UNC79: variants seen among roughly 807,000 people sequenced by gnomAD.
UNC79 encodes unc-79 subunit of NALCN channel complex.
Under a neutral mutation model 283.1 loss-of-function variants are expected in UNC79, and 37 were observed. That is an observed-to-expected ratio of 0.13 (90% CI 0.10 to 0.17). The LOEUF (loss-of-function observed/expected upper bound fraction) is 0.17, where lower values mean the gene tolerates loss of function less well. UNC79 is among the 10% of genes least tolerant of loss of function. The pLI is 1.00. For missense variants in UNC79, 2,272 were observed against 3,211.1 expected, an observed-to-expected ratio of 0.71 and a Z score of 7.07; for synonymous variants, 1,107 against 1,200.2, an observed-to-expected ratio of 0.92 and a Z score of 1.61.
At chr14:93,561,493 A>G (rs2141436909) in intron 14 of UNC79, among the ~76,000 whole-genome samples, 1 of 152,140 alleles carries the variant, frequency 6.6e-6, no homozygotes, top group South Asian at 2.1e-4. Flanking sequence ...CCCAGCCTGT[A>G]TATAAGACGG....
intron 1 of UNC79, among the ~76,000 whole-genome samples, chr14:93,379,108 T>C (rs2054615869): frequency 1.3e-5 from 2 of 152,298 alleles, no homozygotes. Context: ...ACTGCTGTGA[T>C]TGATCTCTGC....
At chr14:93,670,518 C>T (rs766190190) in intron 40 of UNC79, among the ~76,000 whole-genome samples, 7 of 152,200 alleles carry the variant, frequency 4.6e-5, no homozygotes, top group South Asian at 4.1e-4. Context: ...AGATGTATAA[C>T]GCAAGGCACA....
chr14:93,593,731 C>T, exon 23 of UNC79: 1 of 1,613,664 alleles, frequency 6.2e-7, no homozygotes, highest in Non-Finnish European at 8.5e-7. Flanking sequence ...CCCTGGCAGT[C>T]CCTCTTCTCC....
At chr14:93,676,051 C>T (rs1169651159) in intron 41 of UNC79, among the ~76,000 whole-genome samples, 1 of 152,118 alleles carries the variant, frequency 6.6e-6, no homozygotes, top group Non-Finnish European at 1.5e-5. Context: ...GACTTTTTTA[C>T]TTATTTATTT....
chr14:93,644,081 C>T (rs755995907), intron 34 of UNC79, among the ~76,000 whole-genome samples: 5 of 152,136 alleles, frequency 3.3e-5, no homozygotes, highest in Admixed American at 6.6e-5. Flanking sequence ...ATTTTCTAGG[C>T]ATTTGTAATC....
At chr14:93,421,776 T>TAAAAAAAAAAAA (rs35643188) in intron 1 of UNC79, among the ~76,000 whole-genome samples, 1 of 144,572 alleles carries the variant, frequency 6.9e-6, no homozygotes, top group African/African-American at 2.5e-5. Flanking sequence ...GGAGATAGCT[T>TAAAAAAAAAAAA]AAAAAAAAAA....
At chr14:93,431,803 T>C (rs2055891574) in intron 1 of UNC79, among the ~76,000 whole-genome samples, 1 of 152,184 alleles carries the variant, frequency 6.6e-6, no homozygotes, top group South Asian at 2.1e-4. Flanking sequence ...GCTAACTCCT[T>C]GTGGATGGAG....
At chr14:93,682,446 T>C (rs1047606903) in intron 41 of UNC79, among the ~76,000 whole-genome samples, 171 bp from the exon 45 acceptor site, 3 of 152,188 alleles carry the variant, frequency 2.0e-5, no homozygotes, top group African/African-American at 7.2e-5. Flanking sequence ...AGTACTGTGA[T>C]TCTGAGTTTC....
At chr14:93,533,228 C>G (rs921392574) in intron 11 of UNC79, among the ~76,000 whole-genome samples, 1 of 152,100 alleles carries the variant, frequency 6.6e-6, no homozygotes, top group South Asian at 2.1e-4. Context: ...TCCCTCCTAC[C>G]TATGTGGACC....
At chr14:93,333,497 C>G (rs989511432) in exon 1 of UNC79, 1 of 398,552 alleles carries the variant, frequency 2.5e-6, no homozygotes, top group Non-Finnish European at 4.4e-6. Context: ...CCGGTGGCTG[C>G]TTCTTGGCAG....
intron 25 of UNC79, 63 bp downstream of exon 25, chr14:93,600,833 C>A: frequency 6.4e-7 from 1 of 1,559,992 alleles, no homozygotes; most frequent in Non-Finnish European, 8.7e-7. Flanking sequence ...CCTAGACAAA[C>A]AGAAGACATT....
intron 20 of UNC79, among the ~76,000 whole-genome samples, chr14:93,585,733 G>C (rs903999452): frequency 1.3e-5 from 2 of 152,104 alleles, no homozygotes; most frequent in Admixed American, 6.5e-5. Context: ...GGGGGCAAAA[G>C]TTTTAGAGAT....
intron 32 of UNC79, among the ~76,000 whole-genome samples, chr14:93,640,223 G>A (rs1292109324): frequency 6.6e-6 from 1 of 152,152 alleles, no homozygotes; most frequent in East Asian, 1.9e-4. Context: ...TTTCTTTGAA[G>A]ACATCAAACC....
chr14:93,344,774 G>A (rs757081076), intron 1 of UNC79, among the ~76,000 whole-genome samples: 1 of 152,238 alleles, frequency 6.6e-6, no homozygotes, highest in Non-Finnish European at 1.5e-5. Flanking sequence ...GAGTTTACCT[G>A]ATGTGACTGG....
intron 1 of UNC79, among the ~76,000 whole-genome samples, chr14:93,337,522 C>G (rs1728559812): frequency 6.6e-6 from 1 of 152,220 alleles, no homozygotes; most frequent in Non-Finnish European, 1.5e-5. Flanking sequence ...TTCCCCAACC[C>G]AGAGTTGTAA....
intron 1 of UNC79, among the ~76,000 whole-genome samples, chr14:93,336,710 A>C (rs11627102): frequency 0.074 from 11,204 of 152,298 alleles, 875 homozygotes; most frequent in African/African-American, 0.19. Flanking sequence ...GAAAATATTC[A>C]TTGCCTTGGG....
chr14:93,542,407 A>G (rs12893237), intron 13 of UNC79, 59 bp from the exon 14 acceptor site: 1,319,136 of 1,518,716 alleles, frequency 0.87, 573,947 homozygotes, highest in East Asian at 0.94. Context: ...TAATGCACCT[A>G]TAATAATTTT....
At chr14:93,421,346 G>A (rs1448769605) in intron 1 of UNC79, among the ~76,000 whole-genome samples, 2 of 151,502 alleles carry the variant, frequency 1.3e-5, no homozygotes, top group Admixed American at 6.6e-5. Context: ...CCAATAAATT[G>A]GAAACACTAG....
rs182886751 is a variant in UNC79, at chr14:93,672,673, C to G, written c.6637-678C>G. Among the ~76,000 whole-genome samples the G allele has an allele frequency of 8.9e-4, 136 of 152,214 alleles. 1 individual carries two copies. The highest frequency in any genetic ancestry group is 2.7e-3 in the African/African-American group (111 of 41,560). ...ACTATAAGTGAGGACTTGAAATGTT[C>G]CCAATGCATAGAAATGATAAATACT... On this transcript the variant is annotated intron_variant, in intron 40 of 48. Coordinates refer to ENST00000555664, the Ensembl canonical transcript of UNC79.
Sources: allele counts gnomAD v4.1 joint callset (sites outside exome capture counted in the v4.1 genomes callset), GRCh38; gene constraint gnomAD v4.1.1; transcripts MANE v1.5; gene names NCBI Gene and HGNC (gene_info 2026-07-23, HGNC 2026-07-21).